RFX1: variants seen among roughly 807,000 people sequenced by gnomAD.
The protein encoded by RFX1 is MHC class II regulatory factor RFX1.
In RFX1, 42 loss-of-function variants were observed where a neutral mutation model predicts 119.6. That is an observed-to-expected ratio of 0.35 (90% CI 0.27 to 0.45). The LOEUF is 0.45. RFX1 is among the 20% of genes least tolerant of loss of function. The pLI is 1.00. For synonymous variants in RFX1, 628 were observed against 618.5 expected (o/e 1.02, Z -0.23); for missense variants, 1,118 against 1,368.1 (o/e 0.82, Z 2.88).
chr19:13,965,666 C>A lies in RFX1; in HGVS notation c.2073G>T (p.Leu691=). ...GCACGTCGGGAATGAGGATTTCCAC[C>A]AGGCCCTGGTACAGCACGTTGTCAC... ...KHCDNVLYQG[L]VEILIPDVLR... Residue 691 remains leucine, a synonymous_variant, in exon 15 of 21, where the codon CTG becomes CTT. Coordinates refer to ENST00000254325, the MANE Select transcript of RFX1 (RefSeq NM_002918.5). This position sits in a 1 kb window ranked among gnomAD's most constrained non-coding sequence, Gnocchi z 4.7. 6.2e-7 allele frequency: 1 copy of A among 1,613,860 alleles called. No homozygotes were observed. Among genetic ancestry groups the A allele is most frequent in the Non-Finnish European group, 8.5e-7 (1 of 1,179,972 alleles).
intron 18 of RFX1, 73 bp from the exon 19 acceptor site, chr19:13,963,348 T>C (rs1973779480): frequency 6.6e-7 from 1 of 1,519,588 alleles, no homozygotes; most frequent in Non-Finnish European, 8.8e-7. Flanking sequence ...CCCGCTGCGA[T>C]GCGCCCGGGC....
chr19:13,977,537 C>T (rs1305450909), intron 8 of RFX1, among the ~76,000 whole-genome samples: 1 of 151,804 alleles, frequency 6.6e-6, no homozygotes, highest in Non-Finnish European at 1.5e-5. Flanking sequence ...CTGCCTCAGC[C>T]TCCCGAGTAG....
At chr19:13,996,402 AC>A (rs929240428) in intron 1 of RFX1, among the ~76,000 whole-genome samples, 1 of 152,142 alleles carries the variant, frequency 6.6e-6, no homozygotes, top group Admixed American at 6.5e-5. Flanking sequence ...AACACTCAGC[AC>A]CCATGTGCCA....
chr19:13,997,774 G>A (rs1975084953), intron 1 of RFX1, among the ~76,000 whole-genome samples: 1 of 152,166 alleles, frequency 6.6e-6, no homozygotes, highest in South Asian at 2.1e-4. Context: ...GTGGAGGCAG[G>A]CAGGATGAGA....
chr19:14,003,379 C>CCCTGGTATCCAGCTTCCTGGATG (rs1975277451), intron 1 of RFX1, among the ~76,000 whole-genome samples: 1 of 152,088 alleles, frequency 6.6e-6, no homozygotes, highest in African/African-American at 2.4e-5. Context: ...CAAACTGGAT[C>CCCTGGTATCCAGCTTCCTGGATG]CCTGGTATCC....
At chr19:13,971,529 C>T (rs545984484) in intron 9 of RFX1, among the ~76,000 whole-genome samples, 4 of 152,176 alleles carry the variant, frequency 2.6e-5, no homozygotes, top group Admixed American at 6.5e-5. Context: ...TTCCAGCACC[C>T]GCCTTCCTGA....
In RFX1 at chr19:13,993,849, C is replaced by T. The variant is rs536208923; in HGVS notation, c.-6G>A. 2.0e-5 allele frequency: 30 copies of T among 1,492,544 alleles called. No homozygotes were observed. The South Asian group carries it at 2.1e-4, about 10-fold the overall frequency. 92.5% of individuals were successfully genotyped at this position (1,492,544 alleles called of 1,614,324 possible). On this transcript the variant is annotated 5_prime_UTR_variant, in exon 2 of 21. Coordinates refer to ENST00000254325, the MANE Select transcript of RFX1 (RefSeq NM_002918.5). ...GTATACGCCTGTGTTGCCATGCCAA[C>T]GGTGGGGAAAATGATAATAAATAAG...
chr19:14,004,648 A>G (rs1975314873), intron 1 of RFX1, among the ~76,000 whole-genome samples: 1 of 152,182 alleles, frequency 6.6e-6, no homozygotes, highest in Admixed American at 6.5e-5. Context: ...TAGAAAAAGT[A>G]CCTGGAGAAG....
In RFX1 at chr19:13,981,118, G is replaced by A. The variant is rs1441255483; in HGVS notation, c.622-429C>T. ...CACTTCCCAATGGAGGGGCAGAGGG[G>A]AAGGGACAAGCCCTGGGTCACATGG... is the stretch of plus-strand genomic sequence containing the variant. On this transcript the variant is annotated intron_variant, in intron 5 of 20. Transcript: ENST00000254325. Among the ~76,000 whole-genome samples, 21 of 152,234 alleles carry A rather than the reference G, an allele frequency of 1.4e-4. 1 individual carries two copies. In the East Asian group the frequency reaches 3.8e-3, roughly 28 times the overall value.
rs1974595990 is a variant in RFX1, at chr19:13,986,422, A to G, written c.320-2827T>C. ...CCAGGAGGGCGCCAGGGGATGCGCC[A>G]CGAGGCTAACAGGTGAGCCTGAGTG... On this transcript the variant is annotated intron_variant, in intron 2 of 20. Transcript: ENST00000254325. The surrounding 1 kb of genome is among the most constrained non-coding windows in gnomAD (Gnocchi z 4.2). Among the ~76,000 whole-genome samples the G allele has an allele frequency of 6.6e-6, 1 of 152,172 alleles. No homozygotes were observed. The highest frequency in any genetic ancestry group is 2.4e-5 in the African/African-American group (1 of 41,450).
Position 13,968,960 on chromosome 19 carries a change from T to A in RFX1, c.1497-66A>T. The A allele has an allele frequency of 6.6e-7, 1 of 1,505,570 alleles. No individual in the cohort carries two copies. 93.3% of individuals were successfully genotyped at this position (1,505,570 alleles called of 1,614,324 possible). A position where few individuals can be genotyped will look rare whatever the true frequency, so the allele number is the denominator to read the frequency against. On this transcript the variant is annotated intron_variant, in intron 10 of 20. Coordinates refer to ENST00000254325, the MANE Select transcript of RFX1 (RefSeq NM_002918.5). The surrounding 1 kb of genome is among the most constrained non-coding windows in gnomAD (Gnocchi z 5.5). Reference sequence around the variant, plus strand: ...GCCGGCTGGCCGGCCATGGAGCACCTCACAGCACACCCGTCTCCTCTCTGT... The same window carrying A: ...GCCGGCTGGCCGGCCATGGAGCACCACACAGCACACCCGTCTCCTCTCTGT...
chr19:13,983,203 A>T lies in RFX1; in HGVS notation c.497T>A (p.Ile166Asn). 1 of 1,576,722 alleles carries T rather than the reference A, an allele frequency of 6.3e-7. No homozygotes were observed. The highest frequency in any genetic ancestry group is 2.3e-5 in the East Asian group (1 of 43,162). ...CAGCATTACCTGCTGGGGCACTTGGATGTTGGTCAGCTGGAGGGGCGACAC... is the reference window on the plus strand; with the variant it reads ...CAGCATTACCTGCTGGGGCACTTGGTTGTTGGTCAGCTGGAGGGGCGACAC... ...GHVSPLQLTN[I>N]QVPQQALPTQ... Residue 166 changes from isoleucine (I) to asparagine (N), a missense_variant, in exon 4 of 21, where the codon ATC (isoleucine) becomes AAC (asparagine). Ile to Asn is a moderately radical substitution (Grantham distance 149). Coordinates refer to ENST00000254325, the MANE Select transcript of RFX1 (RefSeq NM_002918.5).
chr19:14,006,573 G>C (rs1297779592), upstream of RFX1: 1 of 152,268 alleles, frequency 6.6e-6, no homozygotes, highest in Non-Finnish European at 1.5e-5. Flanking sequence ...TAAAGGGGTA[G>C]GACTCGTGAG....
Position 13,969,927 on chromosome 19 carries a change from G to C in RFX1, c.1496+67C>G. The C allele has an allele frequency of 1.3e-6, 2 of 1,489,502 alleles. No individual in the cohort carries two copies. The highest frequency in any genetic ancestry group is 9.1e-7 in the Non-Finnish European group (1 of 1,102,308). 92.3% of individuals were successfully genotyped at this position (1,489,502 alleles called of 1,614,324 possible). On this transcript the variant is annotated intron_variant, in intron 10 of 20. Transcript: ENST00000254325. The surrounding 1 kb of genome is among the most constrained non-coding windows in gnomAD (Gnocchi z 4.5). ...ACTGGACTGCCTGAGATGACTCGGA[G>C]TGGGGGTGGGCCTTGGCATGCCCAC... is the stretch of plus-strand genomic sequence containing the variant.
In RFX1 at chr19:14,004,799, C is replaced by T. The variant is rs200316998; in HGVS notation, c.-53+1304G>A. Among the ~76,000 whole-genome samples the T allele has an allele frequency of 5.3e-5, 8 of 152,136 alleles. No individual in the cohort carries two copies. In the East Asian group the frequency reaches 1.4e-3, roughly 26 times the overall value. On this transcript the variant is annotated intron_variant, in intron 1 of 20. Coordinates refer to ENST00000254325, the MANE Select transcript of RFX1 (RefSeq NM_002918.5). ...ACCGACACTAAGCTCAAAAGCAAGA[C>T]GGAGAATAAGCCAACTAGACTTGGC...
Position 13,980,666 on chromosome 19 carries a change from G to T in RFX1, c.645C>A (p.Ser215Arg). The T allele has an allele frequency of 6.3e-7, 1 of 1,594,060 alleles. No individual in the cohort carries two copies. Among genetic ancestry groups the T allele is most frequent in the Non-Finnish European group, 8.5e-7 (1 of 1,175,842 alleles). The change falls in exon 6 of 21, where the codon AGC (serine) becomes AGA (arginine). Residue 215 changes from serine to arginine, a missense_variant. By Grantham distance (110) the Ser-to-Arg change is moderately radical (BLOSUM62 -1). Coordinates refer to ENST00000254325, the MANE Select transcript of RFX1 (RefSeq NM_002918.5). This position sits in a 1 kb window ranked among gnomAD's most constrained non-coding sequence, Gnocchi z 5.1. Reference protein sequence around the residue: ...PPEQSPVQANSSSSKTAGAPT... With the variant: ...PPEQSPVQANRSSSKTAGAPT... ...GGGCCCCGGCTGTCTTGCTGGAAGA[G>T]CTGTTGGCCTGCACCGGCGACTGCT...
In RFX1 at chr19:13,965,855, C is replaced by T; in HGVS notation, c.1962-78G>A. 2 of 1,527,834 alleles carry T rather than the reference C, an allele frequency of 1.3e-6. No homozygotes were observed. The highest frequency in any genetic ancestry group is 1.2e-5 in the South Asian group (1 of 83,698). 94.6% of individuals were successfully genotyped at this position (1,527,834 alleles called of 1,614,324 possible). Reference sequence around the variant, plus strand: ...CCATCGTCAGAAGGGAACAGGTAGCCCCTGTCCCTGACCCAGGGTCACTGG... The same window carrying T: ...CCATCGTCAGAAGGGAACAGGTAGCTCCTGTCCCTGACCCAGGGTCACTGG... On this transcript the variant is annotated intron_variant, in intron 14 of 20. Transcript: ENST00000254325. The surrounding 1 kb of genome is among the most constrained non-coding windows in gnomAD (Gnocchi z 4.7).
In RFX1 at chr19:13,966,386, C is replaced by T; in HGVS notation, c.1961+35G>A. The T allele has an allele frequency of 2.8e-6, 4 of 1,404,316 alleles. No individual in the cohort carries two copies. The highest frequency in any genetic ancestry group is 4.0e-6 in the Non-Finnish European group (4 of 990,648). 87.0% of individuals were successfully genotyped at this position (1,404,316 alleles called of 1,614,324 possible). On this transcript the variant is annotated intron_variant, in intron 14 of 20. Coordinates refer to ENST00000254325, the MANE Select transcript of RFX1 (RefSeq NM_002918.5). This position sits in a 1 kb window ranked among gnomAD's most constrained non-coding sequence, Gnocchi z 6.3. ...CACCTGCGGGTCATGCCCTCCTCCC[C>T]CCTCTCCCTCCCACAGTCGCCGGGC...
At position 13,980,675 on chromosome 19, in the gene RFX1, C is replaced by G. The variant is rs770634668; in HGVS notation, c.636G>C (p.Gln212His). ...CTGTCTTGCTGGAAGAGCTGTTGGCCTGCACCGGCGACTGCTGTAAGGGAA... is the reference window on the plus strand; with the variant it reads ...CTGTCTTGCTGGAAGAGCTGTTGGCGTGCACCGGCGACTGCTGTAAGGGAA... ...VHSPPEQSPV[Q>H]ANSSSSKTAG... Residue 212 changes from glutamine to histidine, a missense_variant, in exon 6 of 21, where the codon CAG becomes CAC. By Grantham distance (24) the Gln-to-His change is conservative. Transcript: ENST00000254325. This position sits in a 1 kb window ranked among gnomAD's most constrained non-coding sequence, Gnocchi z 5.1. 7 of 1,593,078 alleles carry G rather than the reference C, an allele frequency of 4.4e-6. No homozygotes were observed. The highest frequency in any genetic ancestry group is 3.4e-6 in the Non-Finnish European group (4 of 1,175,720).
Sources: gnomAD v4.1 joint callset for allele counts (sites outside exome capture counted in the v4.1 genomes callset) on GRCh38, gnomAD v4.1.1 for gene constraint, Gnocchi (gnomAD v3.1) non-coding constraint, MANE v1.5 for transcripts, NCBI Gene and HGNC (gene_info 2026-07-23, HGNC 2026-07-21) for gene names.